The following BTRC variants were observed in gnomAD, a reference collection of about 807,000 sequenced individuals.
The protein encoded by BTRC is F-box/WD repeat-containing protein 1A.
In BTRC, 42 loss-of-function variants were observed where a neutral mutation model predicts 85.5. The ratio of observed to expected loss-of-function variants is 0.49; its 90% CI spans 0.38 to 0.64. The LOEUF is 0.64. BTRC is among the 30% of genes least tolerant of loss of function. The pLI, the probability that BTRC is intolerant of heterozygous loss-of-function variation, is 0.00. For missense variants in BTRC, 594 were observed against 743.5 expected, an observed-to-expected ratio of 0.80 and a Z score of 2.34; for synonymous variants, 255 against 263.3, an observed-to-expected ratio of 0.97 and a Z score of 0.30.
At chr10:101,376,385 C>T (rs981208930) in intron 1 of BTRC, among the ~76,000 whole-genome samples, 4 of 152,208 alleles carry the variant, frequency 2.6e-5, no homozygotes, top group African/African-American at 9.6e-5. Flanking sequence ...GGCTTGGACT[C>T]TCTGAATTCC....
intron 4 of BTRC, among the ~76,000 whole-genome samples, chr10:101,493,377 T>TTG (rs1491038624): frequency 1.3e-5 from 2 of 152,266 alleles, no homozygotes; most frequent in Admixed American, 1.3e-4. Flanking sequence ...ATAGTCTCAT[T>TTG]GTGTTTACAC....
chr10:101,487,231 A>G (rs1321070549), intron 4 of BTRC, among the ~76,000 whole-genome samples: 1 of 152,140 alleles, frequency 6.6e-6, no homozygotes, highest in African/African-American at 2.4e-5. Flanking sequence ...GAGTTAATAG[A>G]TTTTCATGCT....
Position 101,389,115 on chromosome 10 carries a change from G to GTTTTTTTTTTTTT in BTRC, c.48+34888_48+34889insTTTTTTTTTTTTT, listed in dbSNP as rs1471017781. 3.9e-4 allele frequency among the ~76,000 whole-genome samples: 14 copies of GTTTTTTTTTTTTT among 35,468 alleles called. 1 individual carries two copies. Among genetic ancestry groups the GTTTTTTTTTTTTT allele is most frequent in the Admixed American group, 6.7e-4 (2 of 2,984 alleles). The allele number at this position is 35,468 out of a possible 152,430, so 23.3% of individuals were successfully genotyped here. The stretch of plus-strand genomic sequence containing the variant: ...ATGTTGCATAATTGTGATTTTTTGT[G>GTTTTTTTTTTTTT]TGTGTTTTTTTTTTTTTTTTTTTTT... On this transcript the variant is annotated intron_variant, in intron 1 of 14. Transcript: ENST00000370187.
intron 12 of BTRC, among the ~76,000 whole-genome samples, chr10:101,537,406 T>A (rs1234399387): frequency 6.6e-6 from 1 of 152,158 alleles, no homozygotes; most frequent in Non-Finnish European, 1.5e-5. Context: ...CGGGCGCCTG[T>A]AATCCCAGCT....
intron 1 of BTRC, among the ~76,000 whole-genome samples, chr10:101,427,485 G>T: frequency 6.8e-6 from 1 of 146,346 alleles, no homozygotes; most frequent in Non-Finnish European, 1.5e-5. Context: ...TTTTGAGACG[G>T]GTCCCTTCCT....
intron 2 of BTRC, among the ~76,000 whole-genome samples, chr10:101,442,324 G>T (rs1944708944): frequency 6.6e-6 from 1 of 150,438 alleles, no homozygotes; most frequent in Non-Finnish European, 1.5e-5. Flanking sequence ...GTGTGTAAAT[G>T]AGATAATTCC....
At chr10:101,417,858 T>C (rs999264631) in intron 1 of BTRC, among the ~76,000 whole-genome samples, 8 of 152,104 alleles carry the variant, frequency 5.3e-5, no homozygotes, top group Middle Eastern at 3.2e-3. Flanking sequence ...TAATTCTTTT[T>C]GTAGAGGCAG....
intron 1 of BTRC, among the ~76,000 whole-genome samples, chr10:101,410,920 T>C (rs1221863548): frequency 6.6e-6 from 1 of 152,164 alleles, no homozygotes; most frequent in East Asian, 1.9e-4. Flanking sequence ...CTTATTATTT[T>C]TGCTTAAATT....
chr10:101,492,337 A>G (rs1450771737), intron 4 of BTRC, among the ~76,000 whole-genome samples: 2 of 152,218 alleles, frequency 1.3e-5, no homozygotes, highest in African/African-American at 4.8e-5. Flanking sequence ...AGTGTTAACT[A>G]TGGAGTCTGT....
At chr10:101,552,803 G>A (rs967086965) in intron 14 of BTRC, among the ~76,000 whole-genome samples, 3 of 152,074 alleles carry the variant, frequency 2.0e-5, no homozygotes, top group African/African-American at 7.2e-5. Context: ...CATGCTCATG[G>A]CCACTCAAAA....
At chr10:101,382,702 AC>A (rs1313579179) in intron 1 of BTRC, among the ~76,000 whole-genome samples, 4 of 152,230 alleles carry the variant, frequency 2.6e-5, no homozygotes, top group Non-Finnish European at 4.4e-5. Context: ...TTATTTCACA[AC>A]ATTGTTTCAC....
At chr10:101,485,044 C>T (rs1945946172) in intron 4 of BTRC, among the ~76,000 whole-genome samples, 1 of 152,148 alleles carries the variant, frequency 6.6e-6, no homozygotes, top group Admixed American at 6.5e-5. Flanking sequence ...GGCACCAAAA[C>T]GGATCAGCAG....
At chr10:101,398,699 G>T (rs1434724239) in intron 1 of BTRC, among the ~76,000 whole-genome samples, 1 of 152,180 alleles carries the variant, frequency 6.6e-6, no homozygotes, top group South Asian at 2.1e-4. Flanking sequence ...TTGCCCTTTA[G>T]TGGAGGATTT....
At chr10:101,429,583 T>C (rs376775994) in intron 1 of BTRC, among the ~76,000 whole-genome samples, 22 of 139,866 alleles carry the variant, frequency 1.6e-4, no homozygotes, top group African/African-American at 5.8e-4. Context: ...TTTCTCTCTC[T>C]TTTCTCTCTC....
chr10:101,484,662 G>A (rs556927001), intron 4 of BTRC, among the ~76,000 whole-genome samples: 10 of 152,122 alleles, frequency 6.6e-5, no homozygotes, highest in Non-Finnish European at 1.5e-4. Flanking sequence ...TCACACAGGC[G>A]CCTCTGTCAG....
intron 2 of BTRC, among the ~76,000 whole-genome samples, chr10:101,435,448 A>C (rs889599893): frequency 3.3e-5 from 5 of 152,176 alleles, no homozygotes; most frequent in South Asian, 4.1e-4. Flanking sequence ...AAATGCCATC[A>C]TATAGTGTAC....
At chr10:101,509,449 T>C (rs1589570869) in intron 4 of BTRC, among the ~76,000 whole-genome samples, 1 of 147,700 alleles carries the variant, frequency 6.8e-6, no homozygotes, top group Admixed American at 6.8e-5. Flanking sequence ...AGAGACGGGG[T>C]TTCACCGTTT....
At chr10:101,548,617 CG>C (rs1340860751) in intron 13 of BTRC, among the ~76,000 whole-genome samples, 1 of 151,904 alleles carries the variant, frequency 6.6e-6, no homozygotes, top group African/African-American at 2.4e-5. Flanking sequence ...CCAAGCATGG[CG>C]GGGGGCATCT....
At chr10:101,381,628 TG>T (rs1419058069) in intron 1 of BTRC, among the ~76,000 whole-genome samples, 2 of 152,186 alleles carry the variant, frequency 1.3e-5, no homozygotes, top group Non-Finnish European at 2.9e-5. Flanking sequence ...AATATAATTT[TG>T]AAGAGAGGTG....
Sources: allele counts gnomAD v4.1 joint callset (sites outside exome capture counted in the v4.1 genomes callset), GRCh38; gene constraint gnomAD v4.1.1; transcripts MANE v1.5; gene names NCBI Gene and HGNC (gene_info 2026-07-23, HGNC 2026-07-21).